RAI2: variants seen among roughly 807,000 people sequenced by gnomAD.
The protein encoded by RAI2 is retinoic acid induced 2, also known as retinoic acid-induced protein 2.
A neutral mutation model predicts 15.3 loss-of-function variants in RAI2; 5 were observed. The ratio of observed to expected loss-of-function variants is 0.33; its 90% CI spans 0.17 to 0.69. The LOEUF (loss-of-function observed/expected upper bound fraction) is 0.69, where lower values mean the gene tolerates loss of function less well. Among genes scored for constraint, RAI2 ranks in the 30% least tolerant of loss-of-function variants. The probability of loss-of-function intolerance (pLI) is 0.69; values close to 1 mark genes in which losing one functional copy is unlikely to be tolerated. For missense variants in RAI2, 424 were observed against 424.7 expected, an observed-to-expected ratio of 1.00 and a Z score of 0.01; for synonymous variants, 191 against 184.0, an observed-to-expected ratio of 1.04 and a Z score of -0.31.
chrX:17,825,911 T>C (rs1011153494), intron 1 of RAI2, among the ~76,000 whole-genome samples: 5 of 112,729 alleles, frequency 4.4e-5, no homozygotes, highest in African/African-American at 1.6e-4. Flanking sequence ...AGAGGTCACG[T>C]TGACCTCCAT....
chrX:17,810,626 G>A (rs1374894693), intron 1 of RAI2, among the ~76,000 whole-genome samples: 2 of 111,920 alleles, frequency 1.8e-5, no homozygotes, highest in African/African-American at 3.3e-5. Context: ...AGGAGCTGCC[G>A]GAGGAGGAAT....
At chrX:17,817,882 A>C (rs2067123617) in intron 1 of RAI2, among the ~76,000 whole-genome samples, 1 of 112,234 alleles carries the variant, frequency 8.9e-6, no homozygotes, top group Non-Finnish European at 1.9e-5. Context: ...CTATGGCTCA[A>C]GAACCTAGGG....
At position 17,854,370 on chromosome X, in the gene RAI2, A is replaced by C. The variant is rs73447877; in HGVS notation, c.-25+6728T>G. 6.0e-3 allele frequency among the ~76,000 whole-genome samples: 675 copies of C among 112,205 alleles called. 4 individuals are homozygous for C. Among genetic ancestry groups the C allele is most frequent in the African/African-American group, 0.02 (623 of 30,935 alleles). Reference sequence around the variant, plus strand: ...TTCTTCAGCCAATTGCTTTCAGAGAATCTTAAGAACAGGTGTTTCAGTTCC... The same window carrying C: ...TTCTTCAGCCAATTGCTTTCAGAGACTCTTAAGAACAGGTGTTTCAGTTCC... On this transcript the variant is annotated intron_variant, in intron 1 of 1. Coordinates refer to ENST00000451717, the MANE Select transcript of RAI2 (RefSeq NM_021785.6).
At chrX:17,812,613 C>T (rs984043470) in intron 1 of RAI2, among the ~76,000 whole-genome samples, 3 of 111,835 alleles carry the variant, frequency 2.7e-5, no homozygotes, top group Non-Finnish European at 5.6e-5. Context: ...GCTGATTGAC[C>T]GCACATAATT....
rs765113347 is a variant in RAI2 at position 17,830,618 on chromosome X, T to C, written c.-24-28584A>G. The stretch of plus-strand genomic sequence containing the variant: ...AAACATAAATCAGGACAAGCCGAGC[T>C]GAACAAGCTACAAAGGAAGGCATGG... On this transcript the variant is annotated intron_variant, in intron 1 of 1. Coordinates refer to ENST00000451717, the MANE Select transcript of RAI2 (RefSeq NM_021785.6). Among the ~76,000 whole-genome samples the C allele has an allele frequency of 5.7e-4, 63 of 110,861 alleles. 1 individual carries two copies. The highest frequency in any genetic ancestry group is 2.0e-3 in the African/African-American group (60 of 30,436).
At chrX:17,816,871 G>A (rs1031716072) in intron 1 of RAI2, among the ~76,000 whole-genome samples, 2 of 111,376 alleles carry the variant, frequency 1.8e-5, no homozygotes, top group African/African-American at 6.5e-5. Context: ...TTGAAAGTGA[G>A]GGGCACCACT....
intron 1 of RAI2, among the ~76,000 whole-genome samples, chrX:17,859,096 T>G (rs996897164): frequency 1.8e-5 from 2 of 111,595 alleles, no homozygotes; most frequent in Non-Finnish European, 3.8e-5. Flanking sequence ...GCCACCATCT[T>G]ACAATTCTCT....
chrX:17,825,990 A>T (rs1166832352), intron 1 of RAI2, among the ~76,000 whole-genome samples: 3 of 112,363 alleles, frequency 2.7e-5, no homozygotes, highest in African/African-American at 9.7e-5. Context: ...TGACACAGTG[A>T]CTATTCCCTC....
At position 17,801,097 on chromosome X, in the gene RAI2, T is replaced by C. The variant is rs771914704; in HGVS notation, c.914A>G (p.His305Arg). Residue 305 changes from histidine to arginine, a missense_variant, in exon 2 of 2, where the codon CAC becomes CGC. Coordinates refer to ENST00000451717, the MANE Select transcript of RAI2 (RefSeq NM_021785.6). ...QPKEYFQLSR[H>R]TVIKMGSENE... The stretch of plus-strand genomic sequence containing the variant: ...CTCACTTCCCATCTTAATGACCGTG[T>C]GGCGGCTGAGCTGGAAGTACTCCTT... 8.3e-7 allele frequency: 1 copy of C among 1,211,642 alleles called. No homozygotes were observed. Among genetic ancestry groups the C allele is most frequent in the Non-Finnish European group, 1.1e-6 (1 of 895,485 alleles).
At chrX:17,854,750 C>G (rs2067578643) in intron 1 of RAI2, among the ~76,000 whole-genome samples, 1 of 112,226 alleles carries the variant, frequency 8.9e-6, no homozygotes, top group South Asian at 3.7e-4. Context: ...TGGTAATACC[C>G]TGGCTGTTAA....
chrX:17,812,319 A>G (rs180977005), intron 1 of RAI2, among the ~76,000 whole-genome samples: 37 of 112,226 alleles, frequency 3.3e-4, no homozygotes, highest in Middle Eastern at 4.6e-3. Flanking sequence ...CTAGGAACTA[A>G]GAAGGCACTT....
intron 1 of RAI2, among the ~76,000 whole-genome samples, chrX:17,819,181 G>T (rs1006905305): frequency 4.5e-5 from 5 of 112,247 alleles, no homozygotes; most frequent in Non-Finnish European, 7.5e-5. Flanking sequence ...GAAACCTCCT[G>T]TCCCTAAACA....
At chrX:17,827,351 C>T (rs1402667115) in intron 1 of RAI2, among the ~76,000 whole-genome samples, 1 of 111,928 alleles carries the variant, frequency 8.9e-6, no homozygotes, top group Non-Finnish European at 1.9e-5. Context: ...GGGCCTTGTT[C>T]GACAACCAAT....
intron 1 of RAI2, among the ~76,000 whole-genome samples, chrX:17,812,700 G>A (rs772782959): frequency 1.8e-5 from 2 of 111,884 alleles, no homozygotes; most frequent in South Asian, 3.7e-4. Flanking sequence ...TTTCAGTGGC[G>A]ATGAAGCTCA....
At chrX:17,852,617 C>T (rs1037219316) in intron 1 of RAI2, among the ~76,000 whole-genome samples, 8 of 111,920 alleles carry the variant, frequency 7.1e-5, no homozygotes, top group Middle Eastern at 9.2e-3. Context: ...GCCCGCATGA[C>T]ACCTTCCTTG....
At chrX:17,832,455 G>T (rs1412116617) in intron 1 of RAI2, among the ~76,000 whole-genome samples, 2 of 112,205 alleles carry the variant, frequency 1.8e-5, no homozygotes, top group Admixed American at 9.4e-5. Flanking sequence ...CTTCTAAGGT[G>T]ACATCCCTTT....
At chrX:17,828,760 G>A (rs1461486005) in intron 1 of RAI2, among the ~76,000 whole-genome samples, 1 of 111,198 alleles carries the variant, frequency 9.0e-6, no homozygotes, top group Non-Finnish European at 1.9e-5. Flanking sequence ...GGAATTACGT[G>A]GTATGGTAAA....
intron 1 of RAI2, among the ~76,000 whole-genome samples, chrX:17,835,572 A>C (rs1030045916): frequency 1.8e-5 from 2 of 111,771 alleles, no homozygotes; most frequent in Non-Finnish European, 3.8e-5. Flanking sequence ...CCCTCTTTAA[A>C]TGCTGTAGGC....
intron 1 of RAI2, among the ~76,000 whole-genome samples, chrX:17,859,553 T>G (rs761283221): frequency 2.4e-4 from 27 of 112,529 alleles, no homozygotes; most frequent in African/African-American, 7.1e-4. Flanking sequence ...CAAAACTTTG[T>G]TTGGCCATAT....
Sources: gnomAD v4.1 joint callset for allele counts (sites outside exome capture counted in the v4.1 genomes callset) on GRCh38, gnomAD v4.1.1 for gene constraint, MANE v1.5 for transcripts, NCBI Gene and HGNC (gene_info 2026-07-23, HGNC 2026-07-21) for gene names.